IGSF3: variants seen among roughly 807,000 people sequenced by gnomAD.
IGSF3 encodes glu-Trp-Ile EWI motif-containing protein 3.
In IGSF3, 23 loss-of-function variants were observed where a neutral mutation model predicts 114.4. That is an observed-to-expected ratio of 0.20 (90% CI 0.14 to 0.28). The LOEUF (loss-of-function observed/expected upper bound fraction) is 0.28, where lower values mean the gene tolerates loss of function less well. IGSF3 is among the 10% of genes least tolerant of loss of function. IGSF3 has a pLI of 1.00. For synonymous variants in IGSF3, 571 were observed against 645.2 expected, an observed-to-expected ratio of 0.88 and a Z score of 1.74; for missense variants, 1,172 against 1,591.5, an observed-to-expected ratio of 0.74 and a Z score of 4.48.
chr1:116,648,672 GA>G lies in IGSF3; in HGVS notation c.43+17611del, dbSNP rs973228055. Among the ~76,000 whole-genome samples, 6 of 152,206 alleles carry G rather than the reference GA, an allele frequency of 3.9e-5. No homozygotes were observed. Among genetic ancestry groups the G allele is most frequent in the African/African-American group, 1.2e-4 (5 of 41,458 alleles). ...CACATTTTGACTCTTCTGAGAGTGGGAAAGATTTGAAAGATGGGATTTGCAC... is the reference window on the plus strand; with the variant it reads ...CACATTTTGACTCTTCTGAGAGTGGGAAGATTTGAAAGATGGGATTTGCAC... On this transcript the variant is annotated intron_variant, in intron 2 of 10. Transcript: ENST00000369486. This position sits in a 1 kb window ranked among gnomAD's most constrained non-coding sequence, Gnocchi z 4.7.
Position 116,579,987 on chromosome 1 carries a change from T to TA in IGSF3, c.2849-111dup. The TA allele has an allele frequency of 6.9e-6, 7 of 1,017,624 alleles. No homozygotes were observed. Among genetic ancestry groups the TA allele is most frequent in the Non-Finnish European group, 9.8e-6 (7 of 717,198 alleles). The allele number at this position is 1,017,624 out of a possible 1,614,324, so 63.0% of individuals were successfully genotyped here. Reference sequence around the variant, plus strand: ...TGATAGTAACATCCATACTATAAGATATTATGCACCTATTGAAAAGGCATA... The same window carrying TA: ...TGATAGTAACATCCATACTATAAGATAATTATGCACCTATTGAAAAGGCATA... On this transcript the variant is annotated intron_variant, in intron 9 of 10. Coordinates refer to ENST00000369486, the MANE Select transcript of IGSF3 (RefSeq NM_001007237.3). The surrounding 1 kb of genome is among the most constrained non-coding windows in gnomAD (Gnocchi z 6.4).
At position 116,642,842 on chromosome 1, in the gene IGSF3, C is replaced by G. The variant is rs191450661; in HGVS notation, c.43+23442G>C. Among the ~76,000 whole-genome samples, 33 of 152,312 alleles carry G rather than the reference C, an allele frequency of 2.2e-4. No homozygotes were observed. Among genetic ancestry groups the G allele is most frequent in the Admixed American group, 1.9e-3 (29 of 15,306 alleles). ...GCAGGGGGCCACCAGGGCCACCTGC[C>G]AGTGAGCCCACTGCTTAGCTGAGTC... is the stretch of plus-strand genomic sequence containing the variant. On this transcript the variant is annotated intron_variant, in intron 2 of 10. Transcript: ENST00000369486. The surrounding 1 kb of genome is among the most constrained non-coding windows in gnomAD (Gnocchi z 5.4).
intron 2 of IGSF3, among the ~76,000 whole-genome samples, chr1:116,619,453 T>C (rs145318944): frequency 0.01 from 1,576 of 152,324 alleles, 12 homozygotes; most frequent in South Asian, 0.025. Context: ...AACTACTGGA[T>C]TGCACTTTAA....
At position 116,649,145 on chromosome 1, in the gene IGSF3, A is replaced by C. The variant is rs1648523548; in HGVS notation, c.43+17139T>G. Among the ~76,000 whole-genome samples the C allele has an allele frequency of 6.6e-6, 1 of 152,238 alleles. No individual in the cohort carries two copies. Among genetic ancestry groups the C allele is most frequent in the South Asian group, 2.1e-4 (1 of 4,836 alleles). ...TTCCCAGCTGAGCAAGAACCGTCAA[A>C]GTCTGGTCCTGGAAGGACAGCCCTC... On this transcript the variant is annotated intron_variant, in intron 2 of 10. Coordinates refer to ENST00000369486, the MANE Select transcript of IGSF3 (RefSeq NM_001007237.3). The surrounding 1 kb of genome is among the most constrained non-coding windows in gnomAD (Gnocchi z 4.5).
Position 116,583,011 on chromosome 1 carries a change from C to T in IGSF3, c.2848+1634G>A, listed in dbSNP as rs1054094393. Among the ~76,000 whole-genome samples, 1 of 152,172 alleles carries T rather than the reference C, an allele frequency of 6.6e-6. No homozygotes were observed. The highest frequency in any genetic ancestry group is 2.4e-5 in the African/African-American group (1 of 41,438). ...AGACACAAGGCTAACGGTTCAGGTCCATGTTGGAAGCACACAGTGTGGCAG... is the reference window on the plus strand; with the variant it reads ...AGACACAAGGCTAACGGTTCAGGTCTATGTTGGAAGCACACAGTGTGGCAG... On this transcript the variant is annotated intron_variant, in intron 9 of 10. Transcript: ENST00000369486. This position sits in a 1 kb window ranked among gnomAD's most constrained non-coding sequence, Gnocchi z 4.5.
At position 116,614,548 on chromosome 1, in the gene IGSF3, A is replaced by G. The variant is rs1661144416; in HGVS notation, c.422-373T>C. ...CACTTCTCTGAGATACTTTAACTTC[A>G]CTTCTGACTGATCCTGTAATGGAAA... On this transcript the variant is annotated intron_variant, in intron 3 of 10. Coordinates refer to ENST00000369486, the MANE Select transcript of IGSF3 (RefSeq NM_001007237.3). The surrounding 1 kb of genome is among the most constrained non-coding windows in gnomAD (Gnocchi z 4.5). Among the ~76,000 whole-genome samples the G allele has an allele frequency of 6.6e-6, 1 of 152,050 alleles. No homozygotes were observed. Among genetic ancestry groups the G allele is most frequent in the Admixed American group, 6.5e-5 (1 of 15,268 alleles).
intron 2 of IGSF3, among the ~76,000 whole-genome samples, chr1:116,635,411 C>T (rs1271438234): frequency 2.0e-5 from 3 of 152,138 alleles, no homozygotes; most frequent in Admixed American, 2.0e-4. Flanking sequence ...ATGACCCTCA[C>T]CCATGGAGTG....
chr1:116,624,784 C>G lies in IGSF3; in HGVS notation c.44-8327G>C, dbSNP rs1237163728. ...TTTCACTCAGGGTGTCCTGAACCAC[C>G]ACATAAGACAGCCAACGGTCCTGAG... is the stretch of plus-strand genomic sequence containing the variant. On this transcript the variant is annotated intron_variant, in intron 2 of 10. Coordinates refer to ENST00000369486, the MANE Select transcript of IGSF3 (RefSeq NM_001007237.3). The surrounding 1 kb of genome is among the most constrained non-coding windows in gnomAD (Gnocchi z 4.9). Among the ~76,000 whole-genome samples, 4 of 152,186 alleles carry G rather than the reference C, an allele frequency of 2.6e-5. No individual in the cohort carries two copies. The highest frequency in any genetic ancestry group is 5.9e-5 in the Non-Finnish European group (4 of 68,038).
At chr1:116,653,024 G>A (rs534646670) in intron 2 of IGSF3, among the ~76,000 whole-genome samples, 1 of 152,278 alleles carries the variant, frequency 6.6e-6, no homozygotes, top group South Asian at 2.1e-4. Flanking sequence ...CCTGTCCCCA[G>A]CAAGGAAGAC....
intron 2 of IGSF3, among the ~76,000 whole-genome samples, chr1:116,620,714 A>G (rs538507992): frequency 1.4e-3 from 209 of 152,326 alleles, no homozygotes; most frequent in African/African-American, 4.8e-3. Flanking sequence ...CAACTCAGTC[A>G]AGCCTTCAGA....
At position 116,655,354 on chromosome 1, in the gene IGSF3, T is replaced by C. The variant is rs1648801694; in HGVS notation, c.43+10930A>G. 1.3e-5 allele frequency among the ~76,000 whole-genome samples: 2 copies of C among 152,342 alleles called. No homozygotes were observed. The highest frequency in any genetic ancestry group is 1.3e-4 in the Admixed American group (2 of 15,310). On this transcript the variant is annotated intron_variant, in intron 2 of 10. Transcript: ENST00000369486. This position sits in a 1 kb window ranked among gnomAD's most constrained non-coding sequence, Gnocchi z 4.3. ...ACTGATGTTTAAGAAGGGATGACTA[T>C]GACACATGAATCCCACAGCCATCTC...
chr1:116,616,342 C>T lies in IGSF3; in HGVS notation c.159G>A (p.Gln53=), dbSNP rs781182462. ...NVSGYQGPSE[Q]NFQWSIYLPS... is the part of the protein sequence containing the mutation. ...GCAGGTAAATGGACCACTGGAAATT[C>T]TGCTCAGAAGGTCCCTGGTAGCCAC... Residue 53 remains glutamine, a synonymous_variant, in exon 3 of 11, where the codon CAG becomes CAA. Coordinates refer to ENST00000369486, the MANE Select transcript of IGSF3 (RefSeq NM_001007237.3). The surrounding 1 kb of genome is among the most constrained non-coding windows in gnomAD (Gnocchi z 6.6). 3.7e-6 allele frequency: 6 copies of T among 1,612,078 alleles called. No homozygotes were observed. In the African/African-American group the frequency reaches 6.7e-5, roughly 18 times the overall value.
chr1:116,630,104 C>T, intron 2 of IGSF3, among the ~76,000 whole-genome samples: 1 of 152,204 alleles, frequency 6.6e-6, no homozygotes, highest in East Asian at 1.9e-4. Context: ...AGGCAAGGGT[C>T]CTGGAGGGAA....
In IGSF3 at chr1:116,665,307, G is replaced by A. The variant is rs114234360; in HGVS notation, c.43+977C>T. Reference sequence around the variant, plus strand: ...GTGCAAGACACCTAGATTTGGAGACGTGAACCCTGTAGGCAACAATCATAA... The same window carrying A: ...GTGCAAGACACCTAGATTTGGAGACATGAACCCTGTAGGCAACAATCATAA... On this transcript the variant is annotated intron_variant, in intron 2 of 10. Transcript: ENST00000369486. The surrounding 1 kb of genome is among the most constrained non-coding windows in gnomAD (Gnocchi z 4.0). Among the ~76,000 whole-genome samples the A allele has an allele frequency of 4.8e-3, 730 of 152,262 alleles. 6 individuals carry two copies. The highest frequency in any genetic ancestry group is 0.016 in the African/African-American group (670 of 41,526).
Position 116,579,995 on chromosome 1 carries a change from ACCTAT to A in IGSF3, c.2849-123_2849-119del. On this transcript the variant is annotated intron_variant, in intron 9 of 10. Coordinates refer to ENST00000369486, the MANE Select transcript of IGSF3 (RefSeq NM_001007237.3). The surrounding 1 kb of genome is among the most constrained non-coding windows in gnomAD (Gnocchi z 6.4). ...ACATCCATACTATAAGATATTATGCACCTATTGAAAAGGCATAGGCAGTGCTACAG... is the reference window on the plus strand; with the variant it reads ...ACATCCATACTATAAGATATTATGCATGAAAAGGCATAGGCAGTGCTACAG... The A allele has an allele frequency of 2.0e-6, 2 of 981,046 alleles. No homozygotes were observed. Among genetic ancestry groups the A allele is most frequent in the Non-Finnish European group, 2.9e-6 (2 of 684,800 alleles). The allele number at this position is 981,046 out of a possible 1,614,324, so 60.8% of individuals were successfully genotyped here.
In IGSF3 at chr1:116,579,660, G is replaced by C. The variant is rs867034512; in HGVS notation, c.3066C>G (p.Asp1022Glu). 1 of 1,596,212 alleles carries C rather than the reference G, an allele frequency of 6.3e-7. No individual in the cohort carries two copies. The highest frequency in any genetic ancestry group is 8.6e-7 in the Non-Finnish European group (1 of 1,169,160). The change falls in exon 10 of 11, where the codon GAC becomes GAG. Residue 1022 changes from aspartate to glutamate, a missense_variant. Transcript: ENST00000369486. The surrounding 1 kb of genome is among the most constrained non-coding windows in gnomAD (Gnocchi z 6.4). The part of the protein sequence containing the change: ...EREEEEEEDD[D>E]DDDDPTERTA... ...TCCGCTCTGTTGGGTCGTCGTCGTC[G>C]TCGTCGTCCTCCTCCTCCTCCTCCT...
Position 116,584,745 on chromosome 1 carries a change from G to A in IGSF3, c.2748C>T (p.Tyr916=), listed in dbSNP as rs753087181. 1.2e-6 allele frequency: 2 copies of A among 1,613,828 alleles called. No homozygotes were observed. The highest frequency in any genetic ancestry group is 1.7e-5 in the Admixed American group (1 of 60,020). ...QNVAVQDSGT[Y]SCHVEEWLPS... ...GCAGCCACTCCTCCACATGGCAGCTGTAGGTCCCGCTGTCCTGCACAGCCA... is the reference window on the plus strand; with the variant it reads ...GCAGCCACTCCTCCACATGGCAGCTATAGGTCCCGCTGTCCTGCACAGCCA... The change falls in exon 9 of 11, where the codon TAC becomes TAT. Residue 916 remains tyrosine, a synonymous_variant. Transcript: ENST00000369486. This position sits in a 1 kb window ranked among gnomAD's most constrained non-coding sequence, Gnocchi z 5.8.
At position 116,613,982 on chromosome 1, in the gene IGSF3, G is replaced by A. The variant is rs1052775357; in HGVS notation, c.615C>T (p.His205=). The change falls in exon 4 of 11, where the codon CAC becomes CAT. Residue 205 remains histidine (H), a synonymous_variant. Coordinates refer to ENST00000369486, the MANE Select transcript of IGSF3 (RefSeq NM_001007237.3). ...GCCTCTGGGCATATTCGCTGCTGGA[G>A]TGAAGCATGAAATCTCGGCTCAGGG... is the stretch of plus-strand genomic sequence containing the variant. The part of the protein sequence containing the change: ...VISLSRDFML[H]SSSEYAQRQS... The A allele has an allele frequency of 1.2e-6, 2 of 1,613,936 alleles. No individual in the cohort carries two copies. Among genetic ancestry groups the A allele is most frequent in the Non-Finnish European group, 1.7e-6 (2 of 1,179,928 alleles).
In IGSF3 at chr1:116,608,130, G is replaced by T. The variant is rs1294734964; in HGVS notation, c.1034C>A (p.Ala345Asp). 1.2e-6 allele frequency: 2 copies of T among 1,613,900 alleles called. No homozygotes were observed. The highest frequency in any genetic ancestry group is 4.5e-5 in the East Asian group (2 of 44,882). Residue 345 changes from alanine to aspartate, a missense_variant, in exon 5 of 11, where the codon GCC (alanine) becomes GAC (aspartate). Ala to Asp is a moderately radical substitution (Grantham distance 126). This residue lies in a region of IGSF3 where 736 missense variants were observed against 1,042.0 expected (regional missense o/e 0.71). Coordinates refer to ENST00000369486, the MANE Select transcript of IGSF3 (RefSeq NM_001007237.3). ...VLNSEFAHRE[A>D]RGQLKVAKES... ...TTTGGCCACCTTAAGCTGTCCCCTG[G>T]CTTCCCGGTGAGCAAATTCGCTGTT...
Sources: gnomAD v4.1 joint callset for allele counts (sites outside exome capture counted in the v4.1 genomes callset) on GRCh38, gnomAD v4.1.1 for gene constraint, gnomAD v4.1.1 regional missense constraint, Gnocchi (gnomAD v3.1) non-coding constraint, MANE v1.5 for transcripts, NCBI Gene and HGNC (gene_info 2026-07-23, HGNC 2026-07-21) for gene names.